The following TBL1XR1 variants were observed in gnomAD, a reference collection of about 807,000 sequenced individuals.
TBL1XR1 encodes the protein TBL1X/Y related 1, also known as F-box-like/WD repeat-containing protein TBL1XR1.
A neutral mutation model predicts 66.9 loss-of-function variants in TBL1XR1; 5 were observed. The observed-to-expected ratio is 0.07, with a 90% CI of 0.04 to 0.16. The LOEUF (loss-of-function observed/expected upper bound fraction) is 0.16. TBL1XR1 is among the 10% of genes least tolerant of loss of function. TBL1XR1 has a pLI of 1.00. For missense variants in TBL1XR1, 238 were observed against 623.2 expected (o/e 0.38, Z 6.58); for synonymous variants, 210 against 206.0 (o/e 1.02, Z -0.17).
upstream of TBL1XR1, among the ~76,000 whole-genome samples, chr3:177,200,639 T>C (rs541763672): frequency 2.2e-4 from 33 of 152,208 alleles, no homozygotes; most frequent in Non-Finnish European, 3.8e-4. Flanking sequence ...CATTACACTT[T>C]GAATTAAATG....
intron 1 of TBL1XR1, among the ~76,000 whole-genome samples, chr3:177,167,144 A>G (rs544885944): frequency 1.1e-4 from 16 of 152,342 alleles, no homozygotes; most frequent in Admixed American, 9.1e-4. Flanking sequence ...CATGCAGACA[A>G]TGGATTATTA....
chr3:177,058,774 TA>T (rs1374950433), intron 3 of TBL1XR1, among the ~76,000 whole-genome samples: 4 of 152,218 alleles, frequency 2.6e-5, no homozygotes, highest in Non-Finnish European at 5.9e-5. Flanking sequence ...TGGCTAGTCC[TA>T]AAAAACATTG....
chr3:177,134,961 GTGTGTC>G (rs1211891070), intron 1 of TBL1XR1, among the ~76,000 whole-genome samples: 20 of 138,916 alleles, frequency 1.4e-4, no homozygotes, highest in South Asian at 6.4e-4. Flanking sequence ...GTGTGTGTGT[GTGTGTC>G]TGTGTGTGTG....
intron 2 of TBL1XR1, among the ~76,000 whole-genome samples, chr3:177,094,354 G>T (rs558712673): frequency 8.5e-5 from 13 of 152,290 alleles, no homozygotes; most frequent in African/African-American, 2.9e-4. Context: ...GGTGAAAAGG[G>T]AACACTTACA....
intron 1 of TBL1XR1, among the ~76,000 whole-genome samples, chr3:177,103,310 G>A (rs1405139167): frequency 6.6e-6 from 1 of 152,146 alleles, no homozygotes; most frequent in Non-Finnish European, 1.5e-5. Flanking sequence ...CACCTCCTTT[G>A]TGTACTACAT....
At chr3:177,045,394 G>A (rs775881821) in intron 10 of TBL1XR1, among the ~76,000 whole-genome samples, 4 of 152,050 alleles carry the variant, frequency 2.6e-5, no homozygotes, top group East Asian at 1.9e-4. Flanking sequence ...GAAAAGCGGC[G>A]CAAAGGTTCT....
chr3:177,075,213 G>T (rs552476291), intron 2 of TBL1XR1, among the ~76,000 whole-genome samples: 1 of 152,210 alleles, frequency 6.6e-6, no homozygotes, highest in South Asian at 2.1e-4. Flanking sequence ...GGCATTCCTT[G>T]GCTTGTAGCG....
intron 1 of TBL1XR1, among the ~76,000 whole-genome samples, chr3:177,126,975 T>G (rs575344195): frequency 2.0e-5 from 3 of 152,282 alleles, no homozygotes; most frequent in African/African-American, 7.2e-5. Flanking sequence ...AAAACCCAGT[T>G]TCAGCAAAAA....
At chr3:177,114,059 C>G (rs546388472) in intron 1 of TBL1XR1, among the ~76,000 whole-genome samples, 5 of 152,138 alleles carry the variant, frequency 3.3e-5, no homozygotes, top group Non-Finnish European at 5.9e-5. Flanking sequence ...TTCAAGAGAT[C>G]AATTATACAG....
intron 7 of TBL1XR1, among the ~76,000 whole-genome samples, chr3:177,049,334 T>C (rs1716740592): frequency 1.3e-5 from 2 of 152,066 alleles, no homozygotes. Flanking sequence ...GGGCAGGGGG[T>C]AGCGGAGCGA....
chr3:177,171,840 G>A (rs1410218084), intron 1 of TBL1XR1, among the ~76,000 whole-genome samples: 2 of 151,362 alleles, frequency 1.3e-5, no homozygotes, highest in Admixed American at 6.6e-5. Context: ...ATGTCAGAAA[G>A]TAAGAAACTG....
chr3:177,116,394 C>A (rs1178494072), intron 1 of TBL1XR1, among the ~76,000 whole-genome samples: 1 of 152,114 alleles, frequency 6.6e-6, no homozygotes, highest in Non-Finnish European at 1.5e-5. Context: ...AGCACCATGA[C>A]CTTCTATTTC....
intron 1 of TBL1XR1, among the ~76,000 whole-genome samples, chr3:177,134,140 T>C (rs548232315): frequency 6.6e-6 from 1 of 152,336 alleles, no homozygotes; most frequent in African/African-American, 2.4e-5. Context: ...TCTTAACCAC[T>C]GCCAAGTCAG....
chr3:177,118,352 T>A (rs953172903), intron 1 of TBL1XR1, among the ~76,000 whole-genome samples: 2 of 152,162 alleles, frequency 1.3e-5, no homozygotes, highest in Non-Finnish European at 2.9e-5. Flanking sequence ...CTGAGTAGCT[T>A]TAACATTGAG....
Position 177,152,040 on chromosome 3 carries a change from C to T in TBL1XR1, c.-122+45081G>A, listed in dbSNP as rs138576338. On this transcript the variant is annotated intron_variant, in intron 1 of 15. Transcript: ENST00000457928. ...AAACTGTACTCTTTTGTCCTAAATA[C>T]TACTACTGAATACAATTTGTTCCAA... 5.3e-5 allele frequency among the ~76,000 whole-genome samples: 8 copies of T among 152,134 alleles called. No homozygotes were observed. In the East Asian group the frequency reaches 9.7e-4, roughly 18 times the overall value.
intron 12 of TBL1XR1, among the ~76,000 whole-genome samples, chr3:177,036,090 G>A (rs1246586817): frequency 6.6e-6 from 1 of 152,134 alleles, no homozygotes; most frequent in African/African-American, 2.4e-5. Flanking sequence ...TTTAACTAAA[G>A]GTAAAGGAAC....
intron 4 of TBL1XR1, among the ~76,000 whole-genome samples, chr3:177,053,283 A>G (rs896174964): frequency 1.3e-5 from 2 of 152,208 alleles, no homozygotes; most frequent in Non-Finnish European, 2.9e-5. Context: ...GCATGTGGCT[A>G]TGTTCCAATC....
In TBL1XR1 at chr3:177,156,483, A is replaced by G. The variant is rs895963063; in HGVS notation, c.-122+40638T>C. Among the ~76,000 whole-genome samples, 5 of 147,348 alleles carry G rather than the reference A, an allele frequency of 3.4e-5. No homozygotes were observed. The East Asian group carries it at 1.2e-3, about 35-fold the overall frequency. ...CATTGCAGCCTAGGGACAGAGTGAG[A>G]CTCCATCTCAAAAAAAAAAAATTAT... On this transcript the variant is annotated intron_variant, in intron 1 of 15. Coordinates refer to ENST00000457928, the MANE Select transcript of TBL1XR1 (RefSeq NM_024665.7).
intron 1 of TBL1XR1, among the ~76,000 whole-genome samples, chr3:177,151,869 C>G (rs1454615292): frequency 6.6e-6 from 1 of 152,088 alleles, no homozygotes; most frequent in East Asian, 1.9e-4. Context: ...ACTAAAAATA[C>G]AAAAATCAGC....
Sources: allele counts gnomAD v4.1 joint callset (sites outside exome capture counted in the v4.1 genomes callset), GRCh38; gene constraint gnomAD v4.1.1; transcripts MANE v1.5; gene names NCBI Gene and HGNC (gene_info 2026-07-23, HGNC 2026-07-21).